The following PISD variants were observed in gnomAD, a reference collection of about 807,000 sequenced individuals.
PISD encodes phosphatidylserine decarboxylase proenzyme, mitochondrial.
A neutral mutation model predicts 43.5 loss-of-function variants in PISD; 31 were observed. The ratio of observed to expected loss-of-function variants is 0.71; its 90% CI spans 0.54 to 0.96. The LOEUF (loss-of-function observed/expected upper bound fraction) is 0.96, where lower values mean the gene tolerates loss of function less well. PISD is among the 40% of genes least tolerant of loss of function. PISD has a pLI of 0.00. For missense variants in PISD, 523 were observed against 548.4 expected (o/e 0.95, Z 0.46); for synonymous variants, 259 against 228.7 (o/e 1.13, Z -1.20).
intron 3 of PISD, among the ~76,000 whole-genome samples, chr22:31,626,944 C>T (rs1265220561): frequency 6.6e-6 from 1 of 152,238 alleles, no homozygotes; most frequent in Admixed American, 6.5e-5. Context: ...CAAGAGCTGC[C>T]ATCTAAAGCA....
intron 7 of PISD, 58 bp from the exon 8 acceptor site, chr22:31,619,894 C>A (rs2072401225): frequency 1.7e-6 from 2 of 1,150,360 alleles, no homozygotes; most frequent in African/African-American, 3.1e-5. Context: ...CAGTGTCACC[C>A]CCACATGTGT....
chr22:31,644,968 C>CA (rs1277322205), intron 3 of PISD, among the ~76,000 whole-genome samples: 3 of 151,840 alleles, frequency 2.0e-5, no homozygotes, highest in African/African-American at 7.3e-5. Context: ...ACTAAAAATA[C>CA]AAAAATTAGC....
upstream of PISD, chr22:31,662,310 G>C (rs1601474940): frequency 1.6e-6 from 2 of 1,223,756 alleles, no homozygotes; most frequent in Non-Finnish European, 2.4e-6. Flanking sequence ...GAAAAGCGCG[G>C]GTTGGGGGCG....
chr22:31,620,613 G>GT lies in PISD; in HGVS notation c.944_945insA (p.Phe315LeufsTer20). 1 of 1,614,248 alleles carries GT rather than the reference G, an allele frequency of 6.2e-7. No homozygotes were observed. The highest frequency in any genetic ancestry group is 8.5e-7 in the Non-Finnish European group (1 of 1,180,040). On this transcript the variant is annotated frameshift_variant, in exon 7 of 8. Coordinates refer to ENST00000439502, the MANE Select transcript of PISD (RefSeq NM_001326411.2). LOFTEE classifies it high-confidence loss of function. Reference sequence around the variant, plus strand: ...TGGCCCCCACAGCTGTCAGTGAGAAGAAGCCATGTTTCCAGTCCCCCGTCA... The same window carrying GT: ...TGGCCCCCACAGCTGTCAGTGAGAAGTAAGCCATGTTTCCAGTCCCCCGTCA...
chr22:31,619,372 C>T lies in PISD; in HGVS notation c.*240G>A. 1 of 600,670 alleles carries T rather than the reference C, an allele frequency of 1.7e-6. No homozygotes were observed. The highest frequency in any genetic ancestry group is 2.2e-5 in the Admixed American group (1 of 44,762). 37.2% of individuals were successfully genotyped at this position (600,670 alleles called of 1,614,324 possible). A position where few individuals can be genotyped will look rare whatever the true frequency, so the allele number is the denominator to read the frequency against. On this transcript the variant is annotated 3_prime_UTR_variant, in exon 8 of 8. Coordinates refer to ENST00000439502, the MANE Select transcript of PISD (RefSeq NM_001326411.2). ...ATGTGACTGAGATCATTCCAGCCTG[C>T]ACTTTTTATTTGTAGGCAGAAGGAA...
intron 3 of PISD, among the ~76,000 whole-genome samples, chr22:31,639,315 G>A (rs958921903): frequency 6.6e-6 from 1 of 152,108 alleles, no homozygotes; most frequent in East Asian, 1.9e-4. Flanking sequence ...AGGATTACAG[G>A]CGCCCGCCAC....
chr22:31,655,809 G>A (rs2074154300), intron 1 of PISD, among the ~76,000 whole-genome samples: 1 of 151,556 alleles, frequency 6.6e-6, no homozygotes, highest in African/African-American at 2.4e-5. Flanking sequence ...TAATTTTTGT[G>A]TTTTTTTAGT....
In PISD at chr22:31,620,547, G is replaced by A; in HGVS notation, c.1005+6C>T. Reference sequence around the variant, plus strand: ...TGGGCTTTGGCAGGGCCTAGATCCTGCTTACCCGGTCAAAGTAGATGCGAA... The same window carrying A: ...TGGGCTTTGGCAGGGCCTAGATCCTACTTACCCGGTCAAAGTAGATGCGAA... On this transcript the variant is annotated splice_donor_region_variant and intron_variant, in intron 7 of 7. Coordinates refer to ENST00000439502, the MANE Select transcript of PISD (RefSeq NM_001326411.2). 6.2e-7 allele frequency: 1 copy of A among 1,614,122 alleles called. No individual in the cohort carries two copies. The highest frequency in any genetic ancestry group is 8.5e-7 in the Non-Finnish European group (1 of 1,179,964).
In PISD at chr22:31,621,490, G is replaced by C; in HGVS notation, c.559-18C>G. On this transcript the variant is annotated intron_variant, in intron 4 of 7. Transcript: ENST00000439502. Reference sequence around the variant, plus strand: ...GGGCTAATCTGGAAGGGCAGGAGAGGCTTGCTGCCAGGGAGAGCAGGGTCT... The same window carrying C: ...GGGCTAATCTGGAAGGGCAGGAGAGCCTTGCTGCCAGGGAGAGCAGGGTCT... 1 of 1,613,898 alleles carries C rather than the reference G, an allele frequency of 6.2e-7. No individual in the cohort carries two copies. Among genetic ancestry groups the C allele is most frequent in the African/African-American group, 1.3e-5 (1 of 75,058 alleles).
chr22:31,652,545 G>A (rs1185416037), intron 1 of PISD, among the ~76,000 whole-genome samples: 4 of 151,636 alleles, frequency 2.6e-5, no homozygotes, highest in East Asian at 1.9e-4. Flanking sequence ...GATGGCTCAC[G>A]CCTGGAATCC....
intron 3 of PISD, among the ~76,000 whole-genome samples, chr22:31,635,829 A>G (rs895088608): frequency 2.6e-5 from 4 of 152,356 alleles, no homozygotes; most frequent in Admixed American, 2.6e-4. Context: ...ACAGGAGTTC[A>G]GGTGGCACTG....
At chr22:31,637,303 C>A (rs994969288) in intron 3 of PISD, among the ~76,000 whole-genome samples, 1 of 147,408 alleles carries the variant, frequency 6.8e-6, no homozygotes, top group African/African-American at 2.5e-5. Flanking sequence ...GTTGAGGCTG[C>A]AGTAAGCTGT....
chr22:31,649,782 G>T (rs959884525), intron 2 of PISD, among the ~76,000 whole-genome samples: 2 of 152,092 alleles, frequency 1.3e-5, no homozygotes, highest in African/African-American at 4.8e-5. Flanking sequence ...GGTTGCCAAG[G>T]TGTGTCCAAA....
rs2072514222 is a variant in PISD at position 31,620,804 on chromosome 22, T to TG, written c.845-92dup. 3 of 1,510,068 alleles carry TG rather than the reference T, an allele frequency of 2.0e-6. No individual in the cohort carries two copies. In the South Asian group the frequency reaches 3.6e-5, roughly 18 times the overall value. 93.5% of individuals were successfully genotyped at this position (1,510,068 alleles called of 1,614,324 possible). On this transcript the variant is annotated intron_variant, in intron 6 of 7. Coordinates refer to ENST00000439502, the MANE Select transcript of PISD (RefSeq NM_001326411.2). The stretch of plus-strand genomic sequence containing the variant: ...AGACCCAAAGGGACTCATGGCCTGT[T>TG]GCCCCGATGTCACTCCAAATGCTGA...
chr22:31,631,477 A>G (rs538482260), intron 3 of PISD, among the ~76,000 whole-genome samples: 1 of 152,240 alleles, frequency 6.6e-6, no homozygotes, highest in Non-Finnish European at 1.5e-5. Context: ...TAGACCAGCG[A>G]ACAAGGGCAG....
intron 3 of PISD, among the ~76,000 whole-genome samples, chr22:31,632,881 AC>A (rs2073268536): frequency 6.6e-6 from 1 of 152,206 alleles, no homozygotes; most frequent in Non-Finnish European, 1.5e-5. Flanking sequence ...ATCCATAGGA[AC>A]TTAATTCTTG....
chr22:31,624,344 C>T (rs763743484), intron 3 of PISD, among the ~76,000 whole-genome samples: 1 of 152,214 alleles, frequency 6.6e-6, no homozygotes, highest in African/African-American at 2.4e-5. Context: ...TGAGGAGCTA[C>T]GACCCAGCCA....
At chr22:31,644,895 C>A (rs1430444483) in intron 3 of PISD, among the ~76,000 whole-genome samples, 1 of 152,002 alleles carries the variant, frequency 6.6e-6, no homozygotes, top group Non-Finnish European at 1.5e-5. Flanking sequence ...GAGGCCGAGG[C>A]GGGTGGATCA....
chr22:31,623,684 C>T, intron 3 of PISD: 1 of 1,612,660 alleles, frequency 6.2e-7, no homozygotes, highest in East Asian at 2.2e-5. Flanking sequence ...GCACACTTAC[C>T]CTGCTTACGG....
Sources: gnomAD v4.1 joint callset for allele counts (sites outside exome capture counted in the v4.1 genomes callset) on GRCh38, gnomAD v4.1.1 for gene constraint, MANE v1.5 for transcripts, NCBI Gene and HGNC (gene_info 2026-07-23, HGNC 2026-07-21) for gene names.